Variants in NAA50 observed in about 807,000 individuals in gnomAD.
NAA50 encodes N-alpha-acetyltransferase 50.
Under a neutral mutation model 20.7 loss-of-function variants are expected in NAA50, and 7 were observed. The observed-to-expected ratio is 0.34, with a 90% CI of 0.19 to 0.63. The LOEUF is 0.63. NAA50 is among the 30% of genes least tolerant of loss of function. The pLI is 0.75. For synonymous variants in NAA50, 54 were observed against 70.6 expected, an observed-to-expected ratio of 0.77 and a Z score of 1.18; for missense variants, 111 against 199.1, an observed-to-expected ratio of 0.56 and a Z score of 2.66.
intron 1 of NAA50, among the ~76,000 whole-genome samples, chr3:113,740,327 CTAAGT>C (rs1336866609): frequency 6.6e-6 from 1 of 152,160 alleles, no homozygotes; most frequent in Non-Finnish European, 1.5e-5. Flanking sequence ...ATCCACATAT[CTAAGT>C]TGTTTCAAAC....
At chr3:113,744,337 G>C (rs1008859297) in intron 1 of NAA50, among the ~76,000 whole-genome samples, 1 of 151,914 alleles carries the variant, frequency 6.6e-6, no homozygotes, top group Non-Finnish European at 1.5e-5. Context: ...GGTGGTGCGC[G>C]CCTGAGGTCC....
intron 1 of NAA50, among the ~76,000 whole-genome samples, chr3:113,733,613 C>T (rs1259208353): frequency 2.6e-5 from 4 of 151,734 alleles, no homozygotes; most frequent in Non-Finnish European, 4.4e-5. Flanking sequence ...GCACTTTGGG[C>T]GGCTGAGGCA....
intron 1 of NAA50, among the ~76,000 whole-genome samples, chr3:113,738,696 C>T (rs1293459831): frequency 6.6e-6 from 1 of 152,160 alleles, no homozygotes; most frequent in Non-Finnish European, 1.5e-5. Flanking sequence ...AACTTGGTTG[C>T]TTTTAGTTCA....
At chr3:113,728,669 TCTC>T (rs992784227) in intron 1 of NAA50, among the ~76,000 whole-genome samples, 10 of 152,178 alleles carry the variant, frequency 6.6e-5, no homozygotes, top group Non-Finnish European at 2.9e-5. Flanking sequence ...TTGGTTATCT[TCTC>T]TATAATTATT....
chr3:113,723,930 G>A (rs1708167961), intron 2 of NAA50, 29 bp downstream of exon 2: 2 of 1,519,624 alleles, frequency 1.3e-6, no homozygotes, highest in Non-Finnish European at 1.8e-6. Context: ...AAGAAAAGAA[G>A]GGAGGACAAA....
At chr3:113,730,834 A>G (rs1453983510) in intron 1 of NAA50, among the ~76,000 whole-genome samples, 1 of 152,242 alleles carries the variant, frequency 6.6e-6, no homozygotes, top group Non-Finnish European at 1.5e-5. Context: ...CTCTTGTTGA[A>G]GAGCAGTTGT....
At chr3:113,724,507 C>T (rs1177991103) in intron 1 of NAA50, 1 of 153,214 alleles carries the variant, frequency 6.5e-6, no homozygotes, top group Non-Finnish European at 1.5e-5. Context: ...CATGCACATT[C>T]TATTCATGAA....
At chr3:113,738,482 A>G (rs1270392928) in intron 1 of NAA50, among the ~76,000 whole-genome samples, 1 of 152,224 alleles carries the variant, frequency 6.6e-6, no homozygotes, top group Non-Finnish European at 1.5e-5. Flanking sequence ...TTAGTTTTCT[A>G]TGTATTCTTT....
At position 113,740,528 on chromosome 3, in the gene NAA50, C is replaced by T. The variant is rs545650779; in HGVS notation, c.8+5414G>A. ...ACTACAGGCACACACCACCATACCC[C>T]AGCTAATTATGATTACTATTTTTTT... On this transcript the variant is annotated intron_variant, in intron 1 of 4. Transcript: ENST00000240922. Among the ~76,000 whole-genome samples the T allele has an allele frequency of 2.2e-4, 33 of 148,574 alleles. 1 individual carries two copies. Among genetic ancestry groups the T allele is most frequent in the Admixed American group, 2.1e-3 (32 of 15,016 alleles).
Position 113,717,938 on chromosome 3 carries a change from G to C in NAA50, c.*3822C>G, listed in dbSNP as rs926593679. 1 of 152,322 alleles carries C rather than the reference G, an allele frequency of 6.6e-6. No homozygotes were observed. The highest frequency in any genetic ancestry group is 1.5e-5 in the Non-Finnish European group (1 of 68,220). 9.4% of individuals were successfully genotyped at this position (152,322 alleles called of 1,614,324 possible). On this transcript the variant is annotated 3_prime_UTR_variant, in exon 5 of 5. Transcript: ENST00000240922. ...CTGAGCAGTGATAGCCAGTCTCCTA[G>C]AGGGCCCAATGATATCCACCTCCCA...
intron 1 of NAA50, among the ~76,000 whole-genome samples, chr3:113,742,509 T>G (rs1474970579): frequency 6.8e-6 from 1 of 147,044 alleles, no homozygotes; most frequent in Non-Finnish European, 1.5e-5. Flanking sequence ...CACTACAACC[T>G]CCACCTGCCA....
chr3:113,746,152 C>T lies in NAA50; in HGVS notation c.-203G>A, dbSNP rs1708497869. 3.5e-6 allele frequency: 2 copies of T among 578,708 alleles called. No individual in the cohort carries two copies. The highest frequency in any genetic ancestry group is 5.8e-6 in the Non-Finnish European group (2 of 342,438). The allele number at this position is 578,708 out of a possible 1,614,324, so 35.8% of individuals were successfully genotyped here. Reference sequence around the variant, plus strand: ...TGGGGGCGGGAGTGTCTCCCGCCGCCGCGCTTGTGCCGCCGCTTCTCCACA... The same window carrying T: ...TGGGGGCGGGAGTGTCTCCCGCCGCTGCGCTTGTGCCGCCGCTTCTCCACA... On this transcript the variant is annotated 5_prime_UTR_variant, in exon 1 of 5. Transcript: ENST00000240922.
Position 113,746,248 on chromosome 3 carries a change from T to G in NAA50, c.-299A>C. 7.0e-6 allele frequency: 2 copies of G among 285,518 alleles called. No individual in the cohort carries two copies. Among genetic ancestry groups the G allele is most frequent in the Non-Finnish European group, 1.3e-5 (2 of 151,372 alleles). The allele number at this position is 285,518 out of a possible 1,614,324, so 17.7% of individuals were successfully genotyped here. On this transcript the variant is annotated 5_prime_UTR_variant, in exon 1 of 5. Coordinates refer to ENST00000240922, the MANE Select transcript of NAA50 (RefSeq NM_025146.4). ...AGACCCGCTGCCGCGCTGTGACCTT[T>G]CACCCCGCCCCTCGCGCGCCGGCGC...
Position 113,724,107 on chromosome 3 carries a change from C to A in NAA50, c.9-12G>T, listed in dbSNP as rs1320163016. 2 of 1,552,504 alleles carry A rather than the reference C, an allele frequency of 1.3e-6. No homozygotes were observed. The highest frequency in any genetic ancestry group is 1.3e-5 in the South Asian group (1 of 78,184). On this transcript the variant is annotated splice_polypyrimidine_tract_variant and intron_variant, in intron 1 of 4. Transcript: ENST00000240922. Reference sequence around the variant, plus strand: ...GCTCGATCCGGCTACTGGAACAAATCAAAATGTACTCAATAAAACATAATT... The same window carrying A: ...GCTCGATCCGGCTACTGGAACAAATAAAAATGTACTCAATAAAACATAATT...
intron 1 of NAA50, among the ~76,000 whole-genome samples, chr3:113,729,311 TTTC>T (rs1260649998): frequency 2.0e-5 from 3 of 152,202 alleles, no homozygotes; most frequent in African/African-American, 4.8e-5. Flanking sequence ...CTTGATATGT[TTTC>T]TTATCAGGGT....
chr3:113,742,489 G>A (rs1045688591), intron 1 of NAA50, among the ~76,000 whole-genome samples: 2 of 148,158 alleles, frequency 1.3e-5, no homozygotes, highest in Non-Finnish European at 3.0e-5. Flanking sequence ...GCAGTGGCAC[G>A]ATCTCAGCTC....
intron 1 of NAA50, among the ~76,000 whole-genome samples, chr3:113,727,402 C>A (rs1708212918): frequency 2.0e-5 from 3 of 152,090 alleles, no homozygotes; most frequent in Non-Finnish European, 2.9e-5. Context: ...AGTAACTAGG[C>A]TTCAAGCATA....
intron 1 of NAA50, among the ~76,000 whole-genome samples, chr3:113,731,188 G>T (rs995938031): frequency 1.3e-5 from 2 of 152,096 alleles, no homozygotes; most frequent in East Asian, 1.9e-4. Context: ...TTAAAAACTG[G>T]TTTTTCTTGA....
chr3:113,728,751 C>G (rs1287075949), intron 1 of NAA50, among the ~76,000 whole-genome samples: 1 of 152,202 alleles, frequency 6.6e-6, no homozygotes, highest in Admixed American at 6.5e-5. Context: ...ATTTCTGTCT[C>G]TAGCCTATAG....
Sources: allele counts gnomAD v4.1 joint callset (sites outside exome capture counted in the v4.1 genomes callset), GRCh38; gene constraint gnomAD v4.1.1; transcripts MANE v1.5; gene names NCBI Gene and HGNC (gene_info 2026-07-23, HGNC 2026-07-21).